Variants in MPPED1 observed in about 807,000 individuals in gnomAD.
The protein encoded by MPPED1 is metallophosphoesterase domain containing 1, also known as metallophosphoesterase domain-containing protein 1.
A neutral mutation model predicts 36.2 loss-of-function variants in MPPED1; 16 were observed. The ratio of observed to expected loss-of-function variants is 0.44; its 90% CI spans 0.30 to 0.67. The LOEUF (loss-of-function observed/expected upper bound fraction) is 0.67, where lower values mean the gene tolerates loss of function less well. Ranked by LOEUF, MPPED1 falls within the 30% of genes least tolerant of loss-of-function variation. The pLI, the probability that MPPED1 is intolerant of heterozygous loss-of-function variation, is 0.10. For synonymous variants in MPPED1, 199 were observed against 191.3 expected, an observed-to-expected ratio of 1.04 and a Z score of -0.33; for missense variants, 307 against 453.4, an observed-to-expected ratio of 0.68 and a Z score of 2.93.
chr22:43,473,212 G>A (rs75109943), intron 3 of MPPED1, among the ~76,000 whole-genome samples: 1,796 of 149,572 alleles, frequency 0.012, 43 homozygotes, highest in African/African-American at 0.044. Flanking sequence ...AGACCACGGT[G>A]CCCGTGCTGC....
chr22:43,464,665 G>A (rs1177997008), intron 3 of MPPED1, among the ~76,000 whole-genome samples: 3 of 152,180 alleles, frequency 2.0e-5, no homozygotes, highest in Non-Finnish European at 1.5e-5. Context: ...TCTCATACAG[G>A]TTCTAAGTCA....
rs1601973960 is a variant in MPPED1 at position 43,456,205 on chromosome 22, T to C, written c.407-18531T>C. ...TGAATAGAAATGGCAAGAGTGAATG[T>C]CCTTGTTTTGTGACCAATCTTAGGA... On this transcript the variant is annotated intron_variant, in intron 3 of 6. Transcript: ENST00000443721. 2.0e-5 allele frequency among the ~76,000 whole-genome samples: 3 copies of C among 152,384 alleles called. No homozygotes were observed. In the South Asian group the frequency reaches 6.2e-4, roughly 32 times the overall value.
chr22:43,417,608 C>T (rs564939256), intron 1 of MPPED1: 1 of 155,100 alleles, frequency 6.4e-6, no homozygotes, highest in African/African-American at 2.4e-5. Context: ...CAGACCCCCA[C>T]ACCTTGGTAC....
At position 43,474,333 on chromosome 22, in the gene MPPED1, G is replaced by T. The variant is rs1931473367; in HGVS notation, c.407-403G>T. Among the ~76,000 whole-genome samples the T allele has an allele frequency of 6.6e-6, 1 of 152,344 alleles. No homozygotes were observed. Among genetic ancestry groups the T allele is most frequent in the South Asian group, 2.1e-4 (1 of 4,828 alleles). ...GGAGGAACCTGTCCAGCCTCTTCCCGATGATCTCAGGGGGCCGATGGCCAG... is the reference window on the plus strand; with the variant it reads ...GGAGGAACCTGTCCAGCCTCTTCCCTATGATCTCAGGGGGCCGATGGCCAG... On this transcript the variant is annotated intron_variant, in intron 3 of 6. Coordinates refer to ENST00000443721, the MANE Select transcript of MPPED1 (RefSeq NM_001044370.2). The surrounding 1 kb of genome is among the most constrained non-coding windows in gnomAD (Gnocchi z 5.2).
chr22:43,433,342 G>T (rs1026354746), intron 2 of MPPED1, among the ~76,000 whole-genome samples: 3 of 152,192 alleles, frequency 2.0e-5, no homozygotes, highest in Non-Finnish European at 4.4e-5. Flanking sequence ...CCCTGGGCTT[G>T]TTGTGAGCAG....
intron 3 of MPPED1, among the ~76,000 whole-genome samples, chr22:43,470,185 C>A (rs893409976): frequency 6.6e-6 from 1 of 152,116 alleles, no homozygotes; most frequent in Non-Finnish European, 1.5e-5. Flanking sequence ...AAGCATCCAT[C>A]CATAAACCAT....
chr22:43,474,146 A>AG lies in MPPED1; in HGVS notation c.407-589dup, dbSNP rs1332649846. On this transcript the variant is annotated intron_variant, in intron 3 of 6. Transcript: ENST00000443721. This position sits in a 1 kb window ranked among gnomAD's most constrained non-coding sequence, Gnocchi z 5.2. ...TGGAAAGTGGAGGATAAAGAGTCCA[A>AG]GATACCCAGGGGGTGGGGGCCTGGG... Among the ~76,000 whole-genome samples, 2 of 152,232 alleles carry AG rather than the reference A, an allele frequency of 1.3e-5. No homozygotes were observed. The highest frequency in any genetic ancestry group is 2.9e-5 in the Non-Finnish European group (2 of 68,046).
chr22:43,429,159 T>C (rs1004283299), intron 2 of MPPED1, among the ~76,000 whole-genome samples: 9 of 152,170 alleles, frequency 5.9e-5, no homozygotes, highest in Non-Finnish European at 1.5e-5. Context: ...TCCTGGCCTT[T>C]CCTGCTGTCT....
Position 43,502,459 on chromosome 22 carries a change from T to C in MPPED1, c.749-185T>C, listed in dbSNP as rs1932755311. On this transcript the variant is annotated intron_variant, in intron 5 of 6. Transcript: ENST00000443721. This position sits in a 1 kb window ranked among gnomAD's most constrained non-coding sequence, Gnocchi z 5.5. Reference sequence around the variant, plus strand: ...GAGGGTGAGGCTGCAAGGTCCTGAATGGTTTCAGTCCCTGAAGCCTGAGGC... The same window carrying C: ...GAGGGTGAGGCTGCAAGGTCCTGAACGGTTTCAGTCCCTGAAGCCTGAGGC... 6.6e-6 allele frequency among the ~76,000 whole-genome samples: 1 copy of C among 152,174 alleles called. No individual in the cohort carries two copies. The highest frequency in any genetic ancestry group is 2.4e-5 in the African/African-American group (1 of 41,448).
chr22:43,475,982 G>A (rs928976470), intron 4 of MPPED1, among the ~76,000 whole-genome samples: 3 of 101,038 alleles, frequency 3.0e-5, no homozygotes, highest in African/African-American at 1.1e-4. Flanking sequence ...GGTGGTGGTG[G>A]TAGTGATGGT....
chr22:43,466,511 C>T (rs905742796), intron 3 of MPPED1, among the ~76,000 whole-genome samples: 10 of 152,190 alleles, frequency 6.6e-5, no homozygotes, highest in Admixed American at 4.6e-4. Context: ...ATGAAAATGG[C>T]TAACATCCAG....
chr22:43,432,242 A>C (rs1446205817), intron 2 of MPPED1, among the ~76,000 whole-genome samples: 1 of 149,812 alleles, frequency 6.7e-6, no homozygotes, highest in East Asian at 1.9e-4. Context: ...AAGAAAGGGA[A>C]GAGAGGGAGG....
At chr22:43,495,544 G>GGAGGTAGTA (rs1932269729) in intron 4 of MPPED1, among the ~76,000 whole-genome samples, 1 of 133,624 alleles carries the variant, frequency 7.5e-6, no homozygotes, top group African/African-American at 2.7e-5. Context: ...TGGAGATGGT[G>GGAGGTAGTA]GTGGTGGAGA....
chr22:43,499,888 TGGG>T (rs1932599050), intron 5 of MPPED1, among the ~76,000 whole-genome samples: 1 of 76,374 alleles, frequency 1.3e-5, no homozygotes, highest in Non-Finnish European at 2.5e-5. Context: ...GAGGTGGTGA[TGGG>T]GGTGGTGGTG....
At chr22:43,497,929 G>GTGTGTATATATATA (rs1555904565) in intron 4 of MPPED1, among the ~76,000 whole-genome samples, 1 of 48,760 alleles carries the variant, frequency 2.1e-5, no homozygotes, top group Non-Finnish European at 5.2e-5. Flanking sequence ...ATATATATAT[G>GTGTGTATATATATA]TATATGTATA....
intron 4 of MPPED1, among the ~76,000 whole-genome samples, chr22:43,478,771 C>T (rs1354104373): frequency 3.9e-5 from 6 of 152,150 alleles, no homozygotes; most frequent in Non-Finnish European, 8.8e-5. Flanking sequence ...GTCCACCCAC[C>T]GTGCTGCTGG....
intron 2 of MPPED1, among the ~76,000 whole-genome samples, chr22:43,427,177 C>T (rs1383407158): frequency 2.0e-5 from 3 of 152,186 alleles, no homozygotes; most frequent in Non-Finnish European, 4.4e-5. Context: ...CTGTCAATCA[C>T]GGTGCCCCTG....
chr22:43,454,967 G>A (rs554416781), intron 3 of MPPED1, among the ~76,000 whole-genome samples: 4 of 152,182 alleles, frequency 2.6e-5, no homozygotes, highest in Non-Finnish European at 4.4e-5. Flanking sequence ...AACAGCAGAA[G>A]CCTATTGTCT....
intron 3 of MPPED1, among the ~76,000 whole-genome samples, chr22:43,436,284 C>A (rs941612823): frequency 6.6e-6 from 1 of 152,194 alleles, no homozygotes; most frequent in Middle Eastern, 3.2e-3. Context: ...GGTGCGGGGC[C>A]GCTCACCTTC....
Sources: allele counts gnomAD v4.1 joint callset (sites outside exome capture counted in the v4.1 genomes callset), GRCh38; gene constraint gnomAD v4.1.1; non-coding constraint Gnocchi (gnomAD v3.1); transcripts MANE v1.5; gene names NCBI Gene and HGNC (gene_info 2026-07-23, HGNC 2026-07-21).